Variants in OR5A2 observed in about 807,000 individuals in gnomAD.
OR5A2 encodes olfactory receptor 5A2.
For synonymous variants in OR5A2, 155 were observed against 151.1 expected, an observed-to-expected ratio of 1.03 and a Z score of -0.19; for missense variants, 406 against 398.9, an observed-to-expected ratio of 1.02 and a Z score of -0.15.
rs934760974 is a variant in OR5A2 at position 59,419,409 on chromosome 11, G to C, written c.*2570C>G. Reference sequence around the variant, plus strand: ...TTATGCATATTCTCACTTAATTGTTGTATCAATTTTATGGGGTATGTTGAC... The same window carrying C: ...TTATGCATATTCTCACTTAATTGTTCTATCAATTTTATGGGGTATGTTGAC... On this transcript the variant is annotated 3_prime_UTR_variant, in exon 2 of 2. Transcript: ENST00000302040. 6 of 152,114 alleles carry C rather than the reference G, an allele frequency of 3.9e-5. No individual in the cohort carries two copies. The highest frequency in any genetic ancestry group is 1.4e-4 in the African/African-American group (6 of 41,428). 9.4% of individuals were successfully genotyped at this position (152,114 alleles called of 1,614,324 possible).
At position 59,421,736 on chromosome 11, in the gene OR5A2, T is replaced by G. The variant is rs2061290811; in HGVS notation, c.*243A>C. The G allele has an allele frequency of 1.2e-5, 5 of 430,358 alleles. No homozygotes were observed. The highest frequency in any genetic ancestry group is 5.9e-5 in the African/African-American group (3 of 50,970). The allele number at this position is 430,358 out of a possible 1,614,324, so 26.7% of individuals were successfully genotyped here. On this transcript the variant is annotated 3_prime_UTR_variant, in exon 2 of 2. Coordinates refer to ENST00000302040, the MANE Select transcript of OR5A2 (RefSeq NM_001001954.2). Reference sequence around the variant, plus strand: ...AACTCTGTTTTAACATTCCAGGATGTTTTTTGTCATGATGAAGTTTTCTGC... The same window carrying G: ...AACTCTGTTTTAACATTCCAGGATGGTTTTTGTCATGATGAAGTTTTCTGC...
rs1025549197 is a variant in OR5A2 at position 59,419,015 on chromosome 11, GAGTT to G, written c.*2960_*2963del. 6.6e-6 allele frequency: 1 copy of G among 152,068 alleles called. No homozygotes were observed. Among genetic ancestry groups the G allele is most frequent in the African/African-American group, 2.4e-5 (1 of 41,426 alleles). 9.4% of individuals were successfully genotyped at this position (152,068 alleles called of 1,614,324 possible). A position where few individuals can be genotyped will look rare whatever the true frequency, so the allele number is the denominator to read the frequency against. Reference sequence around the variant, plus strand: ...ATAAACTGAAGGATAGGAGCTTGGTGAGTTAGAGTACAGGTCAAGAATGGTGGAG... The same window carrying G: ...ATAAACTGAAGGATAGGAGCTTGGTGAGAGTACAGGTCAAGAATGGTGGAG... On this transcript the variant is annotated 3_prime_UTR_variant, in exon 2 of 2. Coordinates refer to ENST00000302040, the MANE Select transcript of OR5A2 (RefSeq NM_001001954.2).
chr11:59,418,201 T>A lies in OR5A2; in HGVS notation c.*3778A>T, dbSNP rs1233162803. ...TCTAGCTGGGTGTATCAGGAACTGA[T>A]CCACTTTATCAGCTTTGCTGTGATC... On this transcript the variant is annotated 3_prime_UTR_variant, in exon 2 of 2. Transcript: ENST00000302040. 6.6e-6 allele frequency: 1 copy of A among 152,116 alleles called. No individual in the cohort carries two copies. Among genetic ancestry groups the A allele is most frequent in the East Asian group, 1.9e-4 (1 of 5,166 alleles). 9.4% of individuals were successfully genotyped at this position (152,116 alleles called of 1,614,324 possible).
rs1207873141 is a variant in OR5A2, at chr11:59,422,030, C to T, written c.924G>A (p.Arg308=). The change falls in exon 2 of 2, where the codon AGG becomes AGA. Residue 308 remains arginine (R), a synonymous_variant. Coordinates refer to ENST00000302040, the MANE Select transcript of OR5A2 (RefSeq NM_001001954.2). ...IKNAMRKAME[R]DPGISHGGPF... Reference sequence around the variant, plus strand: ...GTCCACCGTGAGAAATCCCGGGGTCCCTTTCCATGGCTTTCCTCATGGCAT... The same window carrying T: ...GTCCACCGTGAGAAATCCCGGGGTCTCTTTCCATGGCTTTCCTCATGGCAT... 3.1e-6 allele frequency: 5 copies of T among 1,613,758 alleles called. No individual in the cohort carries two copies. In the South Asian group the frequency reaches 5.5e-5, roughly 18 times the overall value.
rs148621378 is a variant in OR5A2, at chr11:59,422,049, A to T, written c.905T>A (p.Met302Lys). 2 of 1,613,974 alleles carry T rather than the reference A, an allele frequency of 1.2e-6. No individual in the cohort carries two copies. Among genetic ancestry groups the T allele is most frequent in the Admixed American group, 3.3e-5 (2 of 59,996 alleles). Residue 302 changes from methionine to lysine, a missense_variant, in exon 2 of 2, where the codon ATG becomes AAG. Transcript: ENST00000302040. ...GGGGTCCCTTTCCATGGCTTTCCTC[A>T]TGGCATTTTTAATCTCCTTATTCCT... is the stretch of plus-strand genomic sequence containing the variant. Reference protein sequence around the residue: ...SFRNKEIKNAMRKAMERDPGI... With the variant: ...SFRNKEIKNAKRKAMERDPGI...
rs1005503871 is a variant in OR5A2 at position 59,418,791 on chromosome 11, A to G, written c.*3188T>C. 35 of 152,218 alleles carry G rather than the reference A, an allele frequency of 2.3e-4. No individual in the cohort carries two copies. The highest frequency in any genetic ancestry group is 8.4e-4 in the African/African-American group (35 of 41,560). The allele number at this position is 152,218 out of a possible 1,614,324, so 9.4% of individuals were successfully genotyped here. On this transcript the variant is annotated 3_prime_UTR_variant, in exon 2 of 2. Coordinates refer to ENST00000302040, the MANE Select transcript of OR5A2 (RefSeq NM_001001954.2). Reference sequence around the variant, plus strand: ...AAATACCTTATATCTTCTCAGTGCAATGAGAAATTTACCATTACTCGTAGA... The same window carrying G: ...AAATACCTTATATCTTCTCAGTGCAGTGAGAAATTTACCATTACTCGTAGA...
chr11:59,425,864 A>G (rs1858296415), intron 1 of OR5A2: 1 of 152,238 alleles, frequency 6.6e-6, no homozygotes. Flanking sequence ...GGTTTGGCCT[A>G]TGACTTACTA....
At position 59,422,985 on chromosome 11, in the gene OR5A2, CTTCT is replaced by C; in HGVS notation, c.-36_-33del. 6.4e-7 allele frequency: 1 copy of C among 1,566,250 alleles called. No individual in the cohort carries two copies. Among genetic ancestry groups the C allele is most frequent in the Non-Finnish European group, 8.6e-7 (1 of 1,157,520 alleles). On this transcript the variant is annotated 5_prime_UTR_variant, in exon 2 of 2. Transcript: ENST00000302040. ...GCTTCCTGCATAAAGTCTTTACTTT[CTTCT>C]TTAAGAATCCTGTGGTCAGCTAGAT...
At chr11:59,425,453 C>T (rs1157127930) in intron 1 of OR5A2, 2 of 152,102 alleles carry the variant, frequency 1.3e-5, no homozygotes, top group African/African-American at 4.8e-5. Context: ...AAGGTTTATA[C>T]TCTTGGAGTC....
In OR5A2 at chr11:59,420,258, G is replaced by A. The variant is rs550361842; in HGVS notation, c.*1721C>T. 15 of 152,200 alleles carry A rather than the reference G, an allele frequency of 9.9e-5. No homozygotes were observed. The highest frequency in any genetic ancestry group is 3.4e-4 in the African/African-American group (14 of 41,530). The allele number at this position is 152,200 out of a possible 1,614,324, so 9.4% of individuals were successfully genotyped here. A position where few individuals can be genotyped will look rare whatever the true frequency, so the allele number is the denominator to read the frequency against. ...TATGTACCTACAAAATGGCAGAGATGAAATTAATAATCTCAGATCCAATGA... is the reference window on the plus strand; with the variant it reads ...TATGTACCTACAAAATGGCAGAGATAAAATTAATAATCTCAGATCCAATGA... On this transcript the variant is annotated 3_prime_UTR_variant, in exon 2 of 2. Transcript: ENST00000302040.
chr11:59,423,025 A>G lies in OR5A2; in HGVS notation c.-72T>C. 1 of 1,441,286 alleles carries G rather than the reference A, an allele frequency of 6.9e-7. No homozygotes were observed. The highest frequency in any genetic ancestry group is 9.5e-7 in the Non-Finnish European group (1 of 1,057,798). The allele number at this position is 1,441,286 out of a possible 1,614,324, so 89.3% of individuals were successfully genotyped here. On this transcript the variant is annotated 5_prime_UTR_variant, in exon 2 of 2. The change abolishes the stop of an existing upstream ORF in the 5' untranslated region. Transcript: ENST00000302040. Reference sequence around the variant, plus strand: ...TGTGGTCAGCTAGATTTTGTTTGTTATTGTAAGAGTGGGTATTTCCTAGAA... The same window carrying G: ...TGTGGTCAGCTAGATTTTGTTTGTTGTTGTAAGAGTGGGTATTTCCTAGAA...
intron 1 of OR5A2, chr11:59,423,787 T>C (rs1858261892): frequency 6.6e-6 from 1 of 152,140 alleles, no homozygotes; most frequent in South Asian, 2.1e-4. Flanking sequence ...TGCACAAAAT[T>C]CATAGAATGA....
rs1489943413 is a variant in OR5A2, at chr11:59,426,253, T to C, written c.-174A>G. Reference sequence around the variant, plus strand: ...ATTGCTTTGTTGCCATAACATCTTTTGCAAACCAGATCATCTGCATTTCCC... The same window carrying C: ...ATTGCTTTGTTGCCATAACATCTTTCGCAAACCAGATCATCTGCATTTCCC... On this transcript the variant is annotated 5_prime_UTR_variant, in exon 1 of 2. Transcript: ENST00000302040. The C allele has an allele frequency of 6.6e-6, 1 of 152,198 alleles. No individual in the cohort carries two copies. The highest frequency in any genetic ancestry group is 6.5e-5 in the Admixed American group (1 of 15,282). 9.4% of individuals were successfully genotyped at this position (152,198 alleles called of 1,614,324 possible). A position where few individuals can be genotyped will look rare whatever the true frequency, so the allele number is the denominator to read the frequency against.
At position 59,423,064 on chromosome 11, in the gene OR5A2, G is replaced by A; in HGVS notation, c.-91-20C>T. On this transcript the variant is annotated intron_variant, in intron 1 of 1. Transcript: ENST00000302040. Reference sequence around the variant, plus strand: ...TATTTCCTAGAAGATCATACAAACAGTCAGCAACAAGTTAAACTACACCCA... The same window carrying A: ...TATTTCCTAGAAGATCATACAAACAATCAGCAACAAGTTAAACTACACCCA... The A allele has an allele frequency of 4.5e-6, 5 of 1,107,182 alleles. No homozygotes were observed. Among genetic ancestry groups the A allele is most frequent in the South Asian group, 3.0e-5 (2 of 66,186 alleles). 68.6% of individuals were successfully genotyped at this position (1,107,182 alleles called of 1,614,324 possible). A position where few individuals can be genotyped will look rare whatever the true frequency, so the allele number is the denominator to read the frequency against.
chr11:59,422,385 C>A lies in OR5A2; in HGVS notation c.569G>T (p.Cys190Phe), dbSNP rs779283815. The A allele has an allele frequency of 6.2e-7, 1 of 1,614,126 alleles. No individual in the cohort carries two copies. The highest frequency in any genetic ancestry group is 8.5e-7 in the Non-Finnish European group (1 of 1,180,010). ...CACCTCGCTGGTGAAGGTATCAGAG[C>A]AGGACAGAGCCAGGACTGGAGGGAG... Reference protein sequence around the residue: ...CDLPPVLALSCSDTFTSEVVT... With the variant: ...CDLPPVLALSFSDTFTSEVVT... The change falls in exon 2 of 2, where the codon TGC (cysteine) becomes TTC (phenylalanine). Residue 190 changes from cysteine to phenylalanine, a missense_variant. Transcript: ENST00000302040.
At position 59,417,867 on chromosome 11, in the gene OR5A2, A is replaced by C. The variant is rs975789633; in HGVS notation, c.*4112T>G. The C allele has an allele frequency of 9.9e-5, 15 of 152,082 alleles. No individual in the cohort carries two copies. The highest frequency in any genetic ancestry group is 2.9e-5 in the Non-Finnish European group (2 of 67,970). 9.4% of individuals were successfully genotyped at this position (152,082 alleles called of 1,614,324 possible). A position where few individuals can be genotyped will look rare whatever the true frequency, so the allele number is the denominator to read the frequency against. On this transcript the variant is annotated 3_prime_UTR_variant, in exon 2 of 2. Coordinates refer to ENST00000302040, the MANE Select transcript of OR5A2 (RefSeq NM_001001954.2). ...AGTGTGCATAATTACATGTACCTAC[A>C]AAGAAAAAAAGTAAGTGAATGTTGA...
rs769630606 is a variant in OR5A2 at position 59,422,507 on chromosome 11, G to A, written c.447C>T (p.Ala149=). ...AAGAACTAAGGAATCCACCCACATA[G>A]GCGCCAACCACCATCTTTAAACAAA... ...HTLCLKMVVG[A]YVGGFLSSFI... Residue 149 remains alanine (A), a synonymous_variant, in exon 2 of 2, where the codon GCC becomes GCT. Transcript: ENST00000302040. 1 of 1,614,162 alleles carries A rather than the reference G, an allele frequency of 6.2e-7. No homozygotes were observed. The highest frequency in any genetic ancestry group is 1.1e-5 in the South Asian group (1 of 91,076).
At chr11:59,425,872 C>T (rs1858296511) in intron 1 of OR5A2, 1 of 152,108 alleles carries the variant, frequency 6.6e-6, no homozygotes, top group Non-Finnish European at 1.5e-5. Flanking sequence ...CTATGACTTA[C>T]TATATTTGGT....
In OR5A2 at chr11:59,417,178, G is replaced by A. The variant is rs374229719; in HGVS notation, c.*4801C>T. 5.9e-5 allele frequency: 9 copies of A among 152,008 alleles called. No individual in the cohort carries two copies. Among genetic ancestry groups the A allele is most frequent in the East Asian group, 1.9e-4 (1 of 5,136 alleles). The allele number at this position is 152,008 out of a possible 1,614,324, so 9.4% of individuals were successfully genotyped here. On this transcript the variant is annotated 3_prime_UTR_variant, in exon 2 of 2. Transcript: ENST00000302040. The stretch of plus-strand genomic sequence containing the variant: ...GAGGTCTCCCCGGGTCCCAGCTGCC[G>A]GTTTATTTATAGAATGTGGTCCCAC...
Sources: gnomAD v4.1 joint callset for allele counts on GRCh38, gnomAD v4.1.1 for gene constraint, MANE v1.5 for transcripts, NCBI Gene and HGNC (gene_info 2026-07-23, HGNC 2026-07-21) for gene names.